SAMD12: variants seen among roughly 807,000 people sequenced by gnomAD.
SAMD12 encodes the protein sterile alpha motif domain-containing protein 12.
SAMD12 carries 9 observed loss-of-function variants against 15.0 expected under a neutral mutation model. That is an observed-to-expected ratio of 0.60 (90% CI 0.36 to 1.05). The LOEUF is 1.05. SAMD12 is among the 50% of genes least tolerant of loss of function. The probability of loss-of-function intolerance (pLI) is 0.01; values close to 1 mark genes in which losing one functional copy is unlikely to be tolerated. For synonymous variants in SAMD12, 86 were observed against 90.1 expected (o/e 0.96, Z 0.25); for missense variants, 230 against 234.2 (o/e 0.98, Z 0.12).
intron 2 of SAMD12, among the ~76,000 whole-genome samples, chr8:118,533,593 C>G (rs1586794343): frequency 6.6e-6 from 1 of 152,152 alleles, no homozygotes; most frequent in Non-Finnish European, 1.5e-5. Flanking sequence ...TTGTAGGTCT[C>G]TAAGGACTTG....
Position 118,460,871 on chromosome 8 carries a change from C to T in SAMD12, c.193-20910G>A, listed in dbSNP as rs149955618. On this transcript the variant is annotated intron_variant, in intron 2 of 3. Coordinates refer to ENST00000314727, the MANE Select transcript of SAMD12 (RefSeq NM_207506.3). ...TGAAACGGACCCATTTCTATGGTCC[C>T]GTCTGGCAAAACTGACATGACGGCA... is the stretch of plus-strand genomic sequence containing the variant. Among the ~76,000 whole-genome samples the T allele has an allele frequency of 1.8e-4, 27 of 152,232 alleles. No individual in the cohort carries two copies. In the East Asian group the frequency reaches 4.8e-3, roughly 27 times the overall value.
chr8:118,392,994 A>G (rs1368914983), intron 3 of SAMD12, among the ~76,000 whole-genome samples: 2 of 152,174 alleles, frequency 1.3e-5, no homozygotes, highest in East Asian at 1.9e-4. Context: ...AATAATCCTC[A>G]GTAATAGGGG....
intron 4 of SAMD12, among the ~76,000 whole-genome samples, chr8:118,221,565 T>C (rs1385463810): frequency 6.6e-6 from 1 of 152,082 alleles, no homozygotes; most frequent in Non-Finnish European, 1.5e-5. Flanking sequence ...GATGAGTTAA[T>C]TGAGTGAGGG....
intron 2 of SAMD12, among the ~76,000 whole-genome samples, chr8:118,527,938 T>C (rs117950731): frequency 1.5e-3 from 224 of 152,358 alleles, no homozygotes; most frequent in Admixed American, 4.7e-3. Context: ...TACTTAGTTA[T>C]TGCATCTTAT....
chr8:118,580,701 G>A lies in SAMD12; in HGVS notation c.192+14C>T, dbSNP rs770650194. On this transcript the variant is annotated intron_variant, in intron 2 of 3. Transcript: ENST00000314727. The stretch of plus-strand genomic sequence containing the variant: ...AGCTTTCAAATCTCCGTAATTAACT[G>A]GAATATTACGCACCTTAGCCGTCTC... 6 of 1,594,296 alleles carry A rather than the reference G, an allele frequency of 3.8e-6. No homozygotes were observed. Among genetic ancestry groups the A allele is most frequent in the Non-Finnish European group, 4.3e-6 (5 of 1,164,916 alleles).
chr8:118,249,982 T>C (rs191393149), intron 4 of SAMD12, among the ~76,000 whole-genome samples: 1 of 152,096 alleles, frequency 6.6e-6, no homozygotes, highest in Admixed American at 6.6e-5. Flanking sequence ...ACACCCCCGA[T>C]GTTGGGGGCG....
At position 118,466,256 on chromosome 8, in the gene SAMD12, G is replaced by A. The variant is rs147825285; in HGVS notation, c.193-26295C>T. Among the ~76,000 whole-genome samples, 921 of 152,306 alleles carry A rather than the reference G, an allele frequency of 6.0e-3. 8 individuals carry two copies. The highest frequency in any genetic ancestry group is 0.019 in the African/African-American group (775 of 41,546). ...ACCAGGCCAGTCAGCTGGATCCAGT[G>A]TATGGGATCAGGAGCCAAGACAAAC... On this transcript the variant is annotated intron_variant, in intron 2 of 3. Coordinates refer to ENST00000314727, the MANE Select transcript of SAMD12 (RefSeq NM_207506.3).
downstream of SAMD12, among the ~76,000 whole-genome samples, chr8:118,187,125 C>T (rs1358093948): frequency 2.0e-5 from 3 of 152,148 alleles, no homozygotes; most frequent in African/African-American, 7.2e-5. Context: ...GTCAACTTTT[C>T]AACTTCTCGT....
intron 4 of SAMD12, among the ~76,000 whole-genome samples, chr8:118,318,069 G>A (rs556483781): frequency 3.9e-5 from 6 of 151,954 alleles, no homozygotes; most frequent in African/African-American, 1.4e-4. Flanking sequence ...TGTGGTTGTG[G>A]TGAGAGGGGA....
At chr8:118,393,803 T>C (rs1269488206) in intron 3 of SAMD12, among the ~76,000 whole-genome samples, 2 of 152,022 alleles carry the variant, frequency 1.3e-5, no homozygotes, top group Non-Finnish European at 2.9e-5. Flanking sequence ...TGTTTCACCA[T>C]GTTGGCCAGG....
chr8:118,142,848 G>A, the SAMD12 span, among the ~76,000 whole-genome samples: 174 of 152,318 alleles, frequency 1.1e-3, no homozygotes, highest in African/African-American at 3.9e-3. Context: ...GCTAATGGCG[G>A]TGAGGAAGAA....
chr8:118,245,135 G>A (rs910411727), intron 4 of SAMD12, among the ~76,000 whole-genome samples: 5 of 152,042 alleles, frequency 3.3e-5, no homozygotes, highest in Admixed American at 6.6e-5. Flanking sequence ...CATGACCACC[G>A]CTGGCAAGCC....
intron 2 of SAMD12, among the ~76,000 whole-genome samples, chr8:118,467,120 C>T (rs923068627): frequency 2.6e-5 from 4 of 152,266 alleles, no homozygotes; most frequent in Admixed American, 6.5e-5. Flanking sequence ...TATTCAGAGG[C>T]AGTGGTCCAG....
intron 1 of SAMD12, among the ~76,000 whole-genome samples, chr8:118,614,763 C>G (rs1828199807): frequency 6.6e-6 from 1 of 152,244 alleles, no homozygotes; most frequent in African/African-American, 2.4e-5. Context: ...TGTCACCCAA[C>G]AGCTGCTGTC....
At chr8:118,182,634 A>T in the SAMD12 span, among the ~76,000 whole-genome samples, 2 of 151,830 alleles carry the variant, frequency 1.3e-5, no homozygotes, top group African/African-American at 2.4e-5. Context: ...GAATAAACAT[A>T]AAAAAAACTT....
intron 1 of SAMD12, among the ~76,000 whole-genome samples, chr8:118,583,350 C>T (rs527267695): frequency 2.4e-4 from 37 of 152,300 alleles, no homozygotes; most frequent in African/African-American, 7.2e-4. Context: ...GACTGGCCTA[C>T]TTACAATGAA....
At chr8:118,435,157 A>C (rs1329097165) in intron 3 of SAMD12, among the ~76,000 whole-genome samples, 2 of 152,148 alleles carry the variant, frequency 1.3e-5, no homozygotes, top group East Asian at 3.9e-4. Flanking sequence ...TTAGCACAGC[A>C]GCAGCCCCCT....
chr8:118,279,804 T>C (rs1368506045), intron 4 of SAMD12, among the ~76,000 whole-genome samples: 1 of 152,242 alleles, frequency 6.6e-6, no homozygotes, highest in African/African-American at 2.4e-5. Context: ...CCCATACATC[T>C]GAGATTTCAA....
intron 2 of SAMD12, among the ~76,000 whole-genome samples, chr8:118,563,249 A>G (rs1275221951): frequency 6.6e-6 from 1 of 152,226 alleles, no homozygotes; most frequent in Non-Finnish European, 1.5e-5. Context: ...TCACACAAAC[A>G]TATGTTACAT....
Sources: gnomAD v4.1 joint callset for allele counts (sites outside exome capture counted in the v4.1 genomes callset) on GRCh38, gnomAD v4.1.1 for gene constraint, MANE v1.5 for transcripts, NCBI Gene and HGNC (gene_info 2026-07-23, HGNC 2026-07-21) for gene names.